The following MELK variants were observed in gnomAD, a reference collection of about 807,000 sequenced individuals.
MELK encodes the protein pEg3 kinase.
In MELK, 81 loss-of-function variants were observed where a neutral mutation model predicts 85.0. That is an observed-to-expected ratio of 0.95 (90% CI 0.80 to 1.15). The LOEUF (loss-of-function observed/expected upper bound fraction) is 1.15. MELK is among the 50% of genes most tolerant of loss of function. The pLI, the probability that MELK is intolerant of heterozygous loss-of-function variation, is 0.00. For missense variants in MELK, 754 were observed against 777.5 expected (o/e 0.97, Z 0.36); for synonymous variants, 252 against 265.0 (o/e 0.95, Z 0.48).
chr9:36,652,729 CAAAAA>C (rs745699767), intron 12 of MELK, among the ~76,000 whole-genome samples: 3 of 95,068 alleles, frequency 3.2e-5, no homozygotes, highest in Admixed American at 1.2e-4. Flanking sequence ...GACTCTGTCT[CAAAAA>C]AAAAAAAAAA....
In MELK at chr9:36,667,134, C is replaced by CT. The variant is rs1315029155; in HGVS notation, c.1408+1561dup. Among the ~76,000 whole-genome samples, 13 of 150,994 alleles carry CT rather than the reference C, an allele frequency of 8.6e-5. No individual in the cohort carries two copies. In the East Asian group the frequency reaches 2.5e-3, roughly 29 times the overall value. On this transcript the variant is annotated intron_variant, in intron 14 of 17. Transcript: ENST00000298048. Reference sequence around the variant, plus strand: ...AGCTCACCTTAGCTCATTCAACGATCTTTTTTTTCCCCTTTTTTTCTTTTT... The same window carrying CT: ...AGCTCACCTTAGCTCATTCAACGATCTTTTTTTTTCCCCTTTTTTTCTTTTT...
Position 36,605,370 on chromosome 9 carries a change from G to A in MELK, c.568-2205G>A, listed in dbSNP as rs141774239. Among the ~76,000 whole-genome samples the A allele has an allele frequency of 7.4e-4, 112 of 151,912 alleles. No homozygotes were observed. The East Asian group carries it at 0.013, about 17-fold the overall frequency. Reference sequence around the variant, plus strand: ...ATCACAGGTGTCCACTACCACACCCGGCCAAATTTTGTATTTTTAGTAGAG... The same window carrying A: ...ATCACAGGTGTCCACTACCACACCCAGCCAAATTTTGTATTTTTAGTAGAG... On this transcript the variant is annotated intron_variant, in intron 7 of 17. Transcript: ENST00000298048.
chr9:36,656,773 A>C (rs1831294142), intron 12 of MELK, among the ~76,000 whole-genome samples: 1 of 152,104 alleles, frequency 6.6e-6, no homozygotes, highest in South Asian at 2.1e-4. Flanking sequence ...GCCTACAGGC[A>C]CATGCCTGGC....
chr9:36,618,797 T>G (rs1158420338), intron 8 of MELK, among the ~76,000 whole-genome samples: 3 of 152,144 alleles, frequency 2.0e-5, no homozygotes, highest in African/African-American at 7.2e-5. Flanking sequence ...TTCTTAAGAG[T>G]GTCTCATAGT....
At chr9:36,671,609 G>A (rs1294194760) in intron 16 of MELK, among the ~76,000 whole-genome samples, 1 of 152,218 alleles carries the variant, frequency 6.6e-6, no homozygotes, top group East Asian at 1.9e-4. Flanking sequence ...AGTGACAAGC[G>A]GGGAAGGTAG....
At chr9:36,587,060 A>C (rs1470959180) in intron 3 of MELK, among the ~76,000 whole-genome samples, 1 of 152,004 alleles carries the variant, frequency 6.6e-6, no homozygotes, top group Admixed American at 6.6e-5. Flanking sequence ...CGTGTTAGCC[A>C]GGATGGTCTC....
intron 10 of MELK, among the ~76,000 whole-genome samples, chr9:36,642,353 A>C (rs1472956959): frequency 6.6e-6 from 1 of 151,774 alleles, no homozygotes; most frequent in Non-Finnish European, 1.5e-5. Context: ...CTCTTTGATG[A>C]AAATACCAAT....
At chr9:36,669,777 T>G (rs1334862321) in intron 15 of MELK, among the ~76,000 whole-genome samples, 1 of 152,214 alleles carries the variant, frequency 6.6e-6, no homozygotes, top group African/African-American at 2.4e-5. Flanking sequence ...TACTGTTGTT[T>G]CAAAGAAAAT....
Position 36,597,284 on chromosome 9 carries a change from A to G in MELK, c.468A>G (p.Lys156=). ...LKLIDFGLCA[K]PKGNKDYHLQ... ...TGATTGACTTTGGTCTCTGTGCAAA[A>G]CCCAAGGTAAGTGCAGAAATAAGAT... The change falls in exon 6 of 18, where the codon AAA becomes AAG. Residue 156 remains lysine, a synonymous_variant. Transcript: ENST00000298048. 6.2e-7 allele frequency: 1 copy of G among 1,612,114 alleles called. No homozygotes were observed. The highest frequency in any genetic ancestry group is 2.2e-5 in the East Asian group (1 of 44,866).
chr9:36,626,967 A>G (rs1318916866), intron 8 of MELK, among the ~76,000 whole-genome samples: 1 of 150,592 alleles, frequency 6.6e-6, no homozygotes, highest in African/African-American at 2.4e-5. Flanking sequence ...TCAAGAAGAA[A>G]AAAAAAAAAA....
At chr9:36,643,337 C>A (rs186802518) in intron 11 of MELK, among the ~76,000 whole-genome samples, 2 of 152,052 alleles carry the variant, frequency 1.3e-5, no homozygotes, top group East Asian at 3.9e-4. Flanking sequence ...GAGCTGAGAT[C>A]ACACCACTGC....
chr9:36,653,612 A>G (rs1391546188), intron 12 of MELK, among the ~76,000 whole-genome samples: 2 of 152,292 alleles, frequency 1.3e-5, no homozygotes, highest in Admixed American at 1.3e-4. Flanking sequence ...TTGTAATGTC[A>G]TCTTCCCTCA....
rs116323182 is a variant in MELK, at chr9:36,616,229, T to C, written c.666+8556T>C. On this transcript the variant is annotated intron_variant, in intron 8 of 17. Coordinates refer to ENST00000298048, the MANE Select transcript of MELK (RefSeq NM_014791.4). ...ACAGGTCTATGAATTCTAACACATA[T>C]ATAGATTCATATAACCATTGCCACA... is the stretch of plus-strand genomic sequence containing the variant. Among the ~76,000 whole-genome samples, 1,312 of 152,214 alleles carry C rather than the reference T, an allele frequency of 8.6e-3. 26 individuals are homozygous for C. Among genetic ancestry groups the C allele is most frequent in the African/African-American group, 0.029 (1,218 of 41,504 alleles).
In MELK at chr9:36,671,194, G is replaced by C. The variant is rs368723436; in HGVS notation, c.1674+28G>C. ...AAGCAGGCTGGAATTCTTTCATATG[G>C]AGCAGAAGCTGACTGCTAATGGACT... On this transcript the variant is annotated intron_variant, in intron 16 of 17. Coordinates refer to ENST00000298048, the MANE Select transcript of MELK (RefSeq NM_014791.4). The C allele has an allele frequency of 4.6e-6, 7 of 1,519,778 alleles. No individual in the cohort carries two copies. The African/African-American group carries it at 9.9e-5, about 21-fold the overall frequency. The allele number at this position is 1,519,778 out of a possible 1,614,324, so 94.1% of individuals were successfully genotyped here.
intron 8 of MELK, among the ~76,000 whole-genome samples, chr9:36,611,612 CTTTGGTAAAT>C (rs1430528371): frequency 6.6e-6 from 1 of 151,996 alleles, no homozygotes; most frequent in Non-Finnish European, 1.5e-5. Context: ...TATCTGTGGA[CTTTGGTAAAT>C]TATTTAGCCT....
chr9:36,589,310 G>A (rs1258196275), intron 3 of MELK, among the ~76,000 whole-genome samples: 1 of 151,982 alleles, frequency 6.6e-6, no homozygotes, highest in African/African-American at 2.4e-5. Context: ...CACCACGCCC[G>A]GCTAATTTTT....
chr9:36,658,509 ACTCT>A (rs1191817813), intron 13 of MELK, among the ~76,000 whole-genome samples: 1 of 151,788 alleles, frequency 6.6e-6, no homozygotes, highest in African/African-American at 2.4e-5. Flanking sequence ...CTTTATTTAT[ACTCT>A]CTATTTATTG....
At position 36,651,815 on chromosome 9, in the gene MELK, C is replaced by G. The variant is rs140963190; in HGVS notation, c.991C>G (p.Arg331Gly). The change falls in exon 12 of 18, where the codon CGT (arginine) becomes GGT (glycine). Residue 331 changes from arginine to glycine, a missense_variant. Arg to Gly is a moderately radical substitution (Grantham distance 125, BLOSUM62 -2). Transcript: ENST00000298048. ...CAAGAAGGCTCGGGGAAAACCAGTTCGTTTAAGGCTTTCTTCTTTCTCCTG... is the reference window on the plus strand; with the variant it reads ...CAAGAAGGCTCGGGGAAAACCAGTTGGTTTAAGGCTTTCTTCTTTCTCCTG... ...LAKKARGKPV[R>G]LRLSSFSCGQ... 1.2e-6 allele frequency: 2 copies of G among 1,613,926 alleles called. No individual in the cohort carries two copies. Among genetic ancestry groups the G allele is most frequent in the African/African-American group, 1.3e-5 (1 of 74,988 alleles).
At chr9:36,628,943 C>T (rs553917766) in intron 8 of MELK, among the ~76,000 whole-genome samples, 94 of 149,596 alleles carry the variant, frequency 6.3e-4, no homozygotes, top group South Asian at 2.3e-3. Context: ...CTGGGCTCAC[C>T]GCAACCTCCG....
Sources: allele counts gnomAD v4.1 joint callset (sites outside exome capture counted in the v4.1 genomes callset), GRCh38; gene constraint gnomAD v4.1.1; transcripts MANE v1.5; gene names NCBI Gene and HGNC (gene_info 2026-07-23, HGNC 2026-07-21).